The following RPA1 variants were observed in gnomAD, a reference collection of about 807,000 sequenced individuals.
The protein encoded by RPA1 is replication protein A 70 kDa DNA-binding subunit.
In RPA1, 49 loss-of-function variants were observed where a neutral mutation model predicts 83.0. That is an observed-to-expected ratio of 0.59 (90% confidence interval 0.47 to 0.75). The LOEUF is 0.75. Among genes scored for constraint, RPA1 ranks in the 30% least tolerant of loss-of-function variants. RPA1 has a pLI of 0.00. For synonymous variants in RPA1, 279 were observed against 281.8 expected (o/e 0.99, Z 0.10); for missense variants, 693 against 776.1 (o/e 0.89, Z 1.27).
chr17:1,846,853 C>T (rs1473264527), intron 4 of RPA1, among the ~76,000 whole-genome samples: 1 of 152,074 alleles, frequency 6.6e-6, no homozygotes, highest in Non-Finnish European at 1.5e-5. Flanking sequence ...CGTAATAGTA[C>T]AGTTTTTAGT....
chr17:1,874,680 C>T (rs1031638963), intron 6 of RPA1, among the ~76,000 whole-genome samples: 3 of 152,158 alleles, frequency 2.0e-5, no homozygotes, highest in African/African-American at 7.2e-5. Context: ...TACAAAGTAC[C>T]TGTGTGTCCT....
intron 6 of RPA1, among the ~76,000 whole-genome samples, chr17:1,875,427 C>T (rs1225203210): frequency 3.9e-5 from 6 of 152,200 alleles, no homozygotes; most frequent in Non-Finnish European, 8.8e-5. Flanking sequence ...CATCAGCAAA[C>T]ATAGCAGTGA....
chr17:1,847,902 A>C (rs1250352313), intron 4 of RPA1, among the ~76,000 whole-genome samples: 1 of 152,022 alleles, frequency 6.6e-6, no homozygotes, highest in African/African-American at 2.4e-5. Flanking sequence ...TGCGGCCTGT[A>C]ATCTCAGCTA....
intron 16 of RPA1, 142 bp from the exon 17 acceptor site, chr17:1,896,929 T>A: frequency 1.4e-6 from 1 of 706,052 alleles, no homozygotes; most frequent in Non-Finnish European, 2.5e-6. Context: ...AGGAGGAGGC[T>A]GTCACTCACT....
At position 1,867,190 on chromosome 17, in the gene RPA1, G is replaced by A. The variant is rs1913207123; in HGVS notation, c.362-5244G>A. ...CAGTAGTAACGTTTTGTTAAAATGA[G>A]CGAATTTGTTATCACATTCTCAGCT... On this transcript the variant is annotated intron_variant, in intron 5 of 16. Coordinates refer to ENST00000254719, the MANE Select transcript of RPA1 (RefSeq NM_002945.5). 2.0e-5 allele frequency among the ~76,000 whole-genome samples: 3 copies of A among 151,856 alleles called. No individual in the cohort carries two copies. In the South Asian group the frequency reaches 6.3e-4, roughly 32 times the overall value.
intron 5 of RPA1, among the ~76,000 whole-genome samples, chr17:1,864,200 C>G (rs1022936207): frequency 1.3e-5 from 2 of 152,218 alleles, no homozygotes; most frequent in Non-Finnish European, 2.9e-5. Context: ...AGGTGCTTAG[C>G]TGGTTCCCAC....
intron 5 of RPA1, among the ~76,000 whole-genome samples, chr17:1,858,617 C>T (rs551743128): frequency 2.6e-5 from 4 of 152,092 alleles, no homozygotes; most frequent in Admixed American, 6.5e-5. Context: ...GTGTGTGCCA[C>T]CATGCCTGGC....
intron 11 of RPA1, 78 bp downstream of exon 11, chr17:1,879,777 C>G (rs1282522243): frequency 1.3e-6 from 2 of 1,563,524 alleles, no homozygotes; most frequent in East Asian, 4.5e-5. Flanking sequence ...TAGGATGGGG[C>G]CTTCAGCACA....
chr17:1,887,975 C>G (rs950097859), intron 13 of RPA1, among the ~76,000 whole-genome samples: 9 of 152,264 alleles, frequency 5.9e-5, no homozygotes, highest in Admixed American at 5.9e-4. Context: ...AAGTGAGCAC[C>G]TGCTATTGGG....
At chr17:1,889,623 G>A (rs1257492251) in intron 14 of RPA1, among the ~76,000 whole-genome samples, 1 of 152,124 alleles carries the variant, frequency 6.6e-6, no homozygotes, top group Non-Finnish European at 1.5e-5. Flanking sequence ...TTACAAGCCT[G>A]AGCCACTGCA....
At chr17:1,858,405 G>A in intron 5 of RPA1, 1 of 1,587,682 alleles carries the variant, frequency 6.3e-7, no homozygotes, top group Non-Finnish European at 8.6e-7. Context: ...AGTGGGCTCG[G>A]AGGCAATGAC....
intron 13 of RPA1, among the ~76,000 whole-genome samples, chr17:1,888,212 C>A (rs1340102431): frequency 6.6e-6 from 1 of 152,122 alleles, no homozygotes; most frequent in Admixed American, 6.6e-5. Context: ...TGAATCTAGG[C>A]CTAGACACGA....
chr17:1,886,594 A>T (rs1428755148), intron 13 of RPA1, among the ~76,000 whole-genome samples: 1 of 152,114 alleles, frequency 6.6e-6, no homozygotes, highest in Non-Finnish European at 1.5e-5. Context: ...AACTTGCTGC[A>T]GCTTCTCCAT....
At chr17:1,844,049 G>A in intron 3 of RPA1, 51 bp downstream of exon 3, 1 of 1,513,686 alleles carries the variant, frequency 6.6e-7, no homozygotes, top group Non-Finnish European at 9.2e-7. Context: ...AATAGTAGAA[G>A]CACACCTGGT....
At chr17:1,873,777 T>A (rs1445327397) in intron 6 of RPA1, among the ~76,000 whole-genome samples, 1 of 150,918 alleles carries the variant, frequency 6.6e-6, no homozygotes, top group Non-Finnish European at 1.5e-5. Flanking sequence ...TCACTTGAGG[T>A]CAGGAGTTCG....
intron 4 of RPA1, among the ~76,000 whole-genome samples, chr17:1,849,516 TCTC>T (rs1912399854): frequency 1.3e-5 from 2 of 151,852 alleles, no homozygotes; most frequent in African/African-American, 4.8e-5. Context: ...ATGATCTCGA[TCTC>T]CTGACCTCAT....
intron 13 of RPA1, among the ~76,000 whole-genome samples, chr17:1,886,596 C>A (rs1030567406): frequency 1.3e-5 from 2 of 152,170 alleles, no homozygotes; most frequent in African/African-American, 2.4e-5. Context: ...CTTGCTGCAG[C>A]TTCTCCATCA....
intron 1 of RPA1, among the ~76,000 whole-genome samples, chr17:1,833,602 C>T (rs1173364230): frequency 6.6e-6 from 1 of 152,064 alleles, no homozygotes; most frequent in Non-Finnish European, 1.5e-5. Flanking sequence ...CGCCTGTAAT[C>T]CCAGCATTTT....
Position 1,891,938 on chromosome 17 carries a change from A to G in RPA1, c.1657A>G (p.Lys553Glu). 1 of 1,591,130 alleles carries G rather than the reference A, an allele frequency of 6.3e-7. No individual in the cohort carries two copies. Among genetic ancestry groups the G allele is most frequent in the Admixed American group, 1.7e-5 (1 of 59,258 alleles). Residue 553 changes from lysine to glutamate, a missense_variant and splice_region_variant, in exon 15 of 17, where the codon AAG becomes GAG. Transcript: ENST00000254719. ...TGCTTATCTTGGGGAATTAAAAGACAAGGTCAGCCACATATTTTATTATAA... is the reference window on the plus strand; with the variant it reads ...TGCTTATCTTGGGGAATTAAAAGACGAGGTCAGCCACATATTTTATTATAA... Reference protein sequence around the residue: ...NAAYLGELKDKNEQAFEEVFQ... With the variant: ...NAAYLGELKDENEQAFEEVFQ...
Sources: gnomAD v4.1 joint callset for allele counts (sites outside exome capture counted in the v4.1 genomes callset) on GRCh38, gnomAD v4.1.1 for gene constraint, MANE v1.5 for transcripts, NCBI Gene and HGNC (gene_info 2026-07-23, HGNC 2026-07-21) for gene names.